CPLANE1: variants seen among roughly 807,000 people sequenced by gnomAD.
CPLANE1 encodes ciliogenesis and planar polarity effector complex subunit 1, also known as ciliogenesis and planar polarity effector 1.
Under a neutral mutation model 362.5 loss-of-function variants are expected in CPLANE1, and 263 were observed. That is an observed-to-expected ratio of 0.73 (90% CI 0.66 to 0.80). CPLANE1 has a LOEUF of 0.80. Ranked by LOEUF, CPLANE1 falls within the 30% of genes least tolerant of loss-of-function variation. The pLI is 0.00. For missense variants in CPLANE1, 3,461 were observed against 3,793.4 expected, an observed-to-expected ratio of 0.91 and a Z score of 2.30; for synonymous variants, 1,212 against 1,302.6, an observed-to-expected ratio of 0.93 and a Z score of 1.50.
chr5:37,149,972 C>T (rs542908902), intron 42 of CPLANE1, among the ~76,000 whole-genome samples: 110 of 152,180 alleles, frequency 7.2e-4, no homozygotes, highest in Admixed American at 1.4e-3. Flanking sequence ...ATTAAATGCC[C>T]ACCATGTGTA....
chr5:37,154,965 A>C (rs934683366), intron 41 of CPLANE1, among the ~76,000 whole-genome samples: 1 of 152,228 alleles, frequency 6.6e-6, no homozygotes, highest in African/African-American at 2.4e-5. Context: ...CAGAGACCAG[A>C]AAGTCACTCG....
At chr5:37,142,557 A>G (rs1770103080) in intron 43 of CPLANE1, 77 bp from the exon 44 acceptor site, 2 of 957,050 alleles carry the variant, frequency 2.1e-6, no homozygotes, top group Non-Finnish European at 3.0e-6. Context: ...AATTGCCACT[A>G]TTTCCAACTG....
At chr5:37,211,452 G>A in intron 16 of CPLANE1, 4 of 1,472,796 alleles carry the variant, frequency 2.7e-6, no homozygotes, top group Non-Finnish European at 3.7e-6. Flanking sequence ...AGAGGACAGA[G>A]TTGTCTCTGA....
chr5:37,179,915 A>C, intron 28 of CPLANE1, 102 bp downstream of exon 28: 1 of 673,690 alleles, frequency 1.5e-6, no homozygotes, highest in Non-Finnish European at 2.4e-6. Context: ...TACTGTAAAC[A>C]TACTAACTTA....
chr5:37,112,760 T>C (rs1462012434), intron 51 of CPLANE1, among the ~76,000 whole-genome samples: 1 of 152,216 alleles, frequency 6.6e-6, no homozygotes, highest in African/African-American at 2.4e-5. Context: ...AGTCACAGTC[T>C]AGCTAAGCAC....
chr5:37,142,189 AAAAT>A, intron 44 of CPLANE1, 117 bp downstream of exon 44: 1 of 1,293,484 alleles, frequency 7.7e-7, no homozygotes, highest in South Asian at 3.0e-5. Flanking sequence ...TCCTTCCCCT[AAAAT>A]AAATATTACA....
At chr5:37,085,441 T>C in the CPLANE1 span, 38 of 916,576 alleles carry the variant, frequency 4.1e-5, no homozygotes, top group East Asian at 9.6e-5. Flanking sequence ...AGAAAAATCT[T>C]TGTGGGCACA....
intron 9 of CPLANE1, among the ~76,000 whole-genome samples, chr5:37,229,601 T>C (rs1161734941): frequency 2.0e-5 from 3 of 152,198 alleles, no homozygotes; most frequent in African/African-American, 7.2e-5. Flanking sequence ...TCAGTTTCCT[T>C]TCTATAAAGC....
rs60605472 is a variant in CPLANE1, at chr5:37,138,885, G to T, written c.8664-37C>A. The T allele has an allele frequency of 5.9e-3, 9,203 of 1,570,910 alleles. 128 individuals carry two copies. Among genetic ancestry groups the T allele is most frequent in the African/African-American group, 0.053 (3,898 of 73,092 alleles). On this transcript the variant is annotated intron_variant, in intron 45 of 52. Transcript: ENST00000651892. ...AATGTAATTTAAGAAATATAAATCA[G>T]TATCTACAACTTAATTACATTAAGC...
At chr5:37,213,815 A>C in intron 15 of CPLANE1, 83 bp from the exon 16 acceptor site, 1 of 1,144,164 alleles carries the variant, frequency 8.7e-7, no homozygotes, top group Non-Finnish European at 1.2e-6. Flanking sequence ...TTATACAAAA[A>C]GAAAATTGCA....
At chr5:37,228,438 A>G (rs569107648) in intron 9 of CPLANE1, among the ~76,000 whole-genome samples, 2 of 152,310 alleles carry the variant, frequency 1.3e-5, no homozygotes, top group African/African-American at 4.8e-5. Context: ...CTATTCAAAT[A>G]CAGATTTTTT....
At chr5:37,101,576 A>T (rs538258485), downstream of CPLANE1, among the ~76,000 whole-genome samples, 1 of 152,110 alleles carries the variant, frequency 6.6e-6, no homozygotes, top group African/African-American at 2.4e-5. Flanking sequence ...TTTTTTTGTC[A>T]TATCTCTGCC....
intron 40 of CPLANE1, 89 bp downstream of exon 40, chr5:37,157,581 A>T: frequency 8.4e-7 from 1 of 1,196,956 alleles, no homozygotes; most frequent in Non-Finnish European, 1.2e-6. Flanking sequence ...GGTTTGTAGG[A>T]GGAGAGGTAA....
the CPLANE1 span, among the ~76,000 whole-genome samples, chr5:37,094,887 A>C: frequency 6.6e-6 from 1 of 152,218 alleles, no homozygotes; most frequent in Admixed American, 6.5e-5. Flanking sequence ...AATCAGGAAG[A>C]ATTAGATACC....
At chr5:37,245,073 A>G (rs1406932812) in intron 4 of CPLANE1, among the ~76,000 whole-genome samples, 18 of 151,172 alleles carry the variant, frequency 1.2e-4, no homozygotes, top group African/African-American at 3.9e-4. Flanking sequence ...AATGGCGTGG[A>G]CCCCGGAGGC....
chr5:37,138,563 G>A lies in CPLANE1; in HGVS notation c.8792+157C>T, dbSNP rs75606511. On this transcript the variant is annotated intron_variant, in intron 46 of 52. Coordinates refer to ENST00000651892, the MANE Select transcript of CPLANE1 (RefSeq NM_001384732.1). ...TATACTATATATTGTTAGAGAAAAGGGAAGAATGACACATATACATAACAA... is the reference window on the plus strand; with the variant it reads ...TATACTATATATTGTTAGAGAAAAGAGAAGAATGACACATATACATAACAA... The A allele has an allele frequency of 7.1e-3, 5,724 of 806,106 alleles. 84 individuals are homozygous for A. Among genetic ancestry groups the A allele is most frequent in the African/African-American group, 0.047 (2,746 of 58,466 alleles). The allele number at this position is 806,106 out of a possible 1,614,324, so 49.9% of individuals were successfully genotyped here.
At chr5:37,108,194 C>T in intron 52 of CPLANE1, 99 bp downstream of exon 52, 5 of 1,168,832 alleles carry the variant, frequency 4.3e-6, no homozygotes, top group Non-Finnish European at 4.9e-6. Flanking sequence ...ATTTCCACAT[C>T]CCACAAAAAA....
At chr5:37,099,073 CTT>C in the CPLANE1 span, among the ~76,000 whole-genome samples, 26 of 152,104 alleles carry the variant, frequency 1.7e-4, no homozygotes, top group Non-Finnish European at 2.6e-4. Context: ...ACAAAATAGA[CTT>C]AAAAAAATAC....
intron 42 of CPLANE1, among the ~76,000 whole-genome samples, chr5:37,151,882 C>G (rs985768249): frequency 6.6e-6 from 1 of 150,874 alleles, no homozygotes; most frequent in Non-Finnish European, 1.5e-5. Context: ...AACCCCAAAT[C>G]TACCAAAAAA....
Sources: allele counts gnomAD v4.1 joint callset (sites outside exome capture counted in the v4.1 genomes callset), GRCh38; gene constraint gnomAD v4.1.1; transcripts MANE v1.5; gene names NCBI Gene and HGNC (gene_info 2026-07-23, HGNC 2026-07-21).